SNX7: variants seen among roughly 807,000 people sequenced by gnomAD.
SNX7 encodes sorting nexin 7.
A neutral mutation model predicts 48.4 loss-of-function variants in SNX7; 35 were observed. The observed-to-expected ratio is 0.72, with a 90% confidence interval of 0.55 to 0.96. The LOEUF (loss-of-function observed/expected upper bound fraction) is 0.96. Among genes scored for constraint, SNX7 ranks in the 40% least tolerant of loss-of-function variants. The pLI, the probability that SNX7 is intolerant of heterozygous loss-of-function variation, is 0.00. For missense variants in SNX7, 553 were observed against 548.9 expected, an observed-to-expected ratio of 1.01 and a Z score of -0.07; for synonymous variants, 190 against 190.2, an observed-to-expected ratio of 1.00 and a Z score of 0.01.
intron 8 of SNX7, among the ~76,000 whole-genome samples, chr1:98,755,620 T>C (rs1052583567): frequency 1.3e-5 from 2 of 151,968 alleles, no homozygotes; most frequent in African/African-American, 4.8e-5. Flanking sequence ...CAATAAAACA[T>C]ATATATGTAT....
chr1:98,699,569 T>C (rs1290048242), intron 6 of SNX7, among the ~76,000 whole-genome samples: 1 of 152,144 alleles, frequency 6.6e-6, no homozygotes, highest in African/African-American at 2.4e-5. Flanking sequence ...CCCTCAGTGT[T>C]TTAGGGTGGT....
intron 8 of SNX7, among the ~76,000 whole-genome samples, chr1:98,759,308 C>T (rs774208118): frequency 5.3e-5 from 8 of 151,900 alleles, no homozygotes; most frequent in Non-Finnish European, 1.0e-4. Context: ...TAAATGTGTA[C>T]AGACTATTAA....
intron 7 of SNX7, among the ~76,000 whole-genome samples, chr1:98,718,354 G>A (rs1570565028): frequency 6.6e-6 from 1 of 151,930 alleles, no homozygotes; most frequent in Non-Finnish European, 1.5e-5. Flanking sequence ...ATTGGAAGAG[G>A]AAATATATAC....
At chr1:98,726,794 T>G (rs1653198356) in intron 7 of SNX7, among the ~76,000 whole-genome samples, 1 of 152,188 alleles carries the variant, frequency 6.6e-6, no homozygotes, top group Non-Finnish European at 1.5e-5. Context: ...CCCAGTGCAA[T>G]GTGAATCTTA....
chr1:98,691,049 C>A, intron 2 of SNX7, 26 bp from the exon 3 acceptor site: 2 of 1,467,412 alleles, frequency 1.4e-6, no homozygotes, highest in South Asian at 1.2e-5. Flanking sequence ...ATTGCATGTG[C>A]TGTTATTTTC....
intron 7 of SNX7, among the ~76,000 whole-genome samples, chr1:98,719,848 G>T (rs970625457): frequency 1.3e-4 from 17 of 130,458 alleles, no homozygotes; most frequent in African/African-American, 4.7e-4. Context: ...TAAATATGAG[G>T]TTTTTGAGTC....
intron 7 of SNX7, 98 bp downstream of exon 7, chr1:98,702,001 TTA>T: frequency 1.2e-6 from 1 of 830,536 alleles, no homozygotes; most frequent in Non-Finnish European, 1.9e-6. Context: ...TGATTGTTTC[TTA>T]TATGATTGTT....
intron 7 of SNX7, among the ~76,000 whole-genome samples, chr1:98,703,063 C>T (rs543091576): frequency 6.6e-6 from 1 of 152,138 alleles, no homozygotes; most frequent in South Asian, 2.1e-4. Flanking sequence ...ATATTTTTCT[C>T]TCTCTTTCCC....
intron 1 of SNX7, among the ~76,000 whole-genome samples, chr1:98,671,389 A>T (rs1319923176): frequency 1.3e-5 from 2 of 152,226 alleles, no homozygotes; most frequent in Non-Finnish European, 2.9e-5. Context: ...AATTAAAATT[A>T]TTAGCAAATA....
chr1:98,708,452 A>G (rs1471962959), intron 7 of SNX7, among the ~76,000 whole-genome samples: 1 of 152,198 alleles, frequency 6.6e-6, no homozygotes, highest in East Asian at 1.9e-4. Flanking sequence ...GCTACAATAC[A>G]CACCCAGTTA....
At chr1:98,758,270 T>G (rs1654947945) in intron 8 of SNX7, among the ~76,000 whole-genome samples, 1 of 152,028 alleles carries the variant, frequency 6.6e-6, no homozygotes, top group Non-Finnish European at 1.5e-5. Flanking sequence ...TTTTCATGAG[T>G]ATAGACATTT....
At chr1:98,685,131 C>A (rs777605942) in intron 2 of SNX7, 64 bp downstream of exon 2, 33 of 993,144 alleles carry the variant, frequency 3.3e-5, no homozygotes, top group Admixed American at 2.3e-4. Flanking sequence ...GAAGTAAGTA[C>A]CTCTTGTTCA....
At chr1:98,742,083 A>G (rs1335759196) in intron 8 of SNX7, among the ~76,000 whole-genome samples, 1 of 152,114 alleles carries the variant, frequency 6.6e-6, no homozygotes. Context: ...ATGGGGAACC[A>G]TTTACCCAGT....
At chr1:98,719,065 G>T (rs149588744) in intron 7 of SNX7, among the ~76,000 whole-genome samples, 11 of 152,124 alleles carry the variant, frequency 7.2e-5, no homozygotes, top group African/African-American at 2.6e-4. Context: ...TTGCTAAATC[G>T]GAGGGTATTT....
intron 7 of SNX7, among the ~76,000 whole-genome samples, chr1:98,708,755 A>G (rs980865304): frequency 7.9e-5 from 12 of 152,194 alleles, no homozygotes; most frequent in African/African-American, 2.9e-4. Context: ...CTTGAGTGGT[A>G]GGTACAAAAG....
chr1:98,747,866 G>T (rs1404246995), intron 8 of SNX7, among the ~76,000 whole-genome samples: 3 of 151,590 alleles, frequency 2.0e-5, no homozygotes, highest in Non-Finnish European at 4.4e-5. Flanking sequence ...TGTGATTTCT[G>T]TTCTGAATTA....
At chr1:98,663,962 C>G (rs1294237465) in intron 1 of SNX7, among the ~76,000 whole-genome samples, 1 of 152,192 alleles carries the variant, frequency 6.6e-6, no homozygotes, top group Admixed American at 6.5e-5. Context: ...TCATCCATTT[C>G]AGTAAGTTGA....
chr1:98,727,852 G>A (rs1653270792), intron 7 of SNX7, among the ~76,000 whole-genome samples: 1 of 151,852 alleles, frequency 6.6e-6, no homozygotes, highest in Non-Finnish European at 1.5e-5. Flanking sequence ...GAATGAAAAA[G>A]AATGAACAAA....
At chr1:98,727,422 C>T (rs1185329501) in intron 7 of SNX7, among the ~76,000 whole-genome samples, 2 of 151,948 alleles carry the variant, frequency 1.3e-5, no homozygotes, top group Non-Finnish European at 2.9e-5. Context: ...AAAGAATCAA[C>T]CAAAAAATAC....
Sources: gnomAD v4.1 joint callset for allele counts (sites outside exome capture counted in the v4.1 genomes callset) on GRCh38, gnomAD v4.1.1 for gene constraint, MANE v1.5 for transcripts, NCBI Gene and HGNC (gene_info 2026-07-23, HGNC 2026-07-21) for gene names.